Variants in PON3 observed in about 807,000 individuals in gnomAD.
PON3 encodes the protein serum paraoxonase/lactonase 3.
A neutral mutation model predicts 36.3 loss-of-function variants in PON3; 37 were observed. That is an observed-to-expected ratio of 1.02 (90% CI 0.78 to 1.34). The LOEUF (loss-of-function observed/expected upper bound fraction) is 1.34, where lower values mean the gene tolerates loss of function less well. Ranked by LOEUF, PON3 falls within the 40% of genes most tolerant of loss-of-function variation. The probability of loss-of-function intolerance (pLI) is 0.00; values close to 1 mark genes in which losing one functional copy is unlikely to be tolerated. For missense variants in PON3, 415 were observed against 426.5 expected (o/e 0.97, Z 0.24); for synonymous variants, 155 against 154.8 (o/e 1.00, Z -0.01).
At chr7:95,380,893 A>G (rs1039231840) in intron 3 of PON3, among the ~76,000 whole-genome samples, 5 of 152,232 alleles carry the variant, frequency 3.3e-5, no homozygotes, top group African/African-American at 4.8e-5. Context: ...TCCAAGACAC[A>G]TAATTGTCAG....
intron 3 of PON3, among the ~76,000 whole-genome samples, chr7:95,382,093 T>C (rs1475132271): frequency 6.6e-6 from 1 of 152,212 alleles, no homozygotes; most frequent in Non-Finnish European, 1.5e-5. Context: ...AACCTGCTCC[T>C]GAATGACTAC....
chr7:95,392,872 C>T (rs917682599), intron 2 of PON3, among the ~76,000 whole-genome samples: 2 of 152,222 alleles, frequency 1.3e-5, no homozygotes, highest in African/African-American at 4.8e-5. Flanking sequence ...TGCAACCATT[C>T]CTTCTGAGGT....
intron 8 of PON3, among the ~76,000 whole-genome samples, chr7:95,360,380 A>T (rs1808540624): frequency 6.6e-6 from 1 of 152,184 alleles, no homozygotes; most frequent in African/African-American, 2.4e-5. Context: ...TAGTGCAGGC[A>T]TCCCTTACAG....
At chr7:95,366,555 C>T (rs999751868) in intron 5 of PON3, among the ~76,000 whole-genome samples, 1 of 152,110 alleles carries the variant, frequency 6.6e-6, no homozygotes, top group African/African-American at 2.4e-5. Flanking sequence ...GTTTTGGAGC[C>T]AGTTTTTTAA....
intron 4 of PON3, among the ~76,000 whole-genome samples, chr7:95,369,206 T>C (rs1199357136): frequency 2.6e-5 from 4 of 152,174 alleles, no homozygotes; most frequent in African/African-American, 9.6e-5. Context: ...TGATATGTGT[T>C]CATAGAGTAC....
At chr7:95,382,053 C>A (rs1809068085) in intron 3 of PON3, among the ~76,000 whole-genome samples, 1 of 152,200 alleles carries the variant, frequency 6.6e-6, no homozygotes, top group African/African-American at 2.4e-5. Flanking sequence ...GAAACTCACT[C>A]AAAACCACTG....
At chr7:95,379,197 A>T (rs1808987289) in intron 3 of PON3, among the ~76,000 whole-genome samples, 1 of 152,242 alleles carries the variant, frequency 6.6e-6, no homozygotes. Context: ...ATTCAACAAG[A>T]GTTAACTATC....
chr7:95,372,502 G>T (rs573238880), intron 3 of PON3, among the ~76,000 whole-genome samples, 164 bp from the exon 4 acceptor site: 1 of 152,112 alleles, frequency 6.6e-6, no homozygotes, highest in African/African-American at 2.4e-5. Flanking sequence ...TCTGATCTGG[G>T]GTGTTACTGA....
At chr7:95,378,652 C>G (rs985791677) in intron 3 of PON3, among the ~76,000 whole-genome samples, 1 of 152,158 alleles carries the variant, frequency 6.6e-6, no homozygotes. Flanking sequence ...TCCAGCCAAA[C>G]TAAGCTTCAT....
intron 3 of PON3, among the ~76,000 whole-genome samples, chr7:95,374,110 G>A (rs972231592): frequency 2.0e-5 from 3 of 152,150 alleles, no homozygotes; most frequent in Non-Finnish European, 2.9e-5. Flanking sequence ...TCCATGATCT[G>A]TGGAAAAAAT....
chr7:95,373,095 C>A (rs1245940480), intron 3 of PON3, among the ~76,000 whole-genome samples: 6 of 152,158 alleles, frequency 3.9e-5, no homozygotes, highest in Non-Finnish European at 8.8e-5. Flanking sequence ...TTATTCTACA[C>A]CAGTTACAAA....
intron 4 of PON3, 146 bp from the exon 5 acceptor site, chr7:95,367,634 C>A: frequency 1.2e-6 from 1 of 825,852 alleles, no homozygotes; most frequent in Non-Finnish European, 1.9e-6. Context: ...GTAAGTCAGA[C>A]AAATGCCAGA....
chr7:95,360,152 A>G, intron 8 of PON3, 21 bp from the exon 9 acceptor site: 2 of 1,603,314 alleles, frequency 1.2e-6, no homozygotes, highest in Non-Finnish European at 8.5e-7. Context: ...AAGATCGTTT[A>G]TTAGTATATT....
chr7:95,386,835 A>G (rs914413238), intron 3 of PON3, among the ~76,000 whole-genome samples: 1 of 152,144 alleles, frequency 6.6e-6, no homozygotes, highest in East Asian at 1.9e-4. Context: ...TTCAACATAC[A>G]CAAATCAATA....
chr7:95,383,841 T>A (rs945140374), intron 3 of PON3, among the ~76,000 whole-genome samples: 1 of 152,138 alleles, frequency 6.6e-6, no homozygotes, highest in Non-Finnish European at 1.5e-5. Flanking sequence ...TTCACAGAAT[T>A]GGAAAAAACT....
At position 95,380,884 on chromosome 7, in the gene PON3, C is replaced by T. The variant is rs561757684; in HGVS notation, c.202-8546G>A. Among the ~76,000 whole-genome samples the T allele has an allele frequency of 1.5e-3, 228 of 152,202 alleles. 1 individual carries two copies. Among genetic ancestry groups the T allele is most frequent in the Middle Eastern group, 6.8e-3 (2 of 294 alleles). Reference sequence around the variant, plus strand: ...AAGATATTCCTCGAGAACAGCAACTCCAAGACACATAATTGTCAGATTCAC... The same window carrying T: ...AAGATATTCCTCGAGAACAGCAACTTCAAGACACATAATTGTCAGATTCAC... On this transcript the variant is annotated intron_variant, in intron 3 of 8. Transcript: ENST00000265627.
chr7:95,366,033 AGTGGGGTGGGGAGGGCAGGG>A (rs1808684098), intron 5 of PON3: 2 of 104,366 alleles, frequency 1.9e-5, no homozygotes, highest in Non-Finnish European at 4.0e-5. Context: ...TGGCAGGGGG[AGTGGGGTGGGGAGGGCAGGG>A]GGACACAAAA....
At chr7:95,385,104 C>G (rs1188924055) in intron 3 of PON3, among the ~76,000 whole-genome samples, 1 of 151,808 alleles carries the variant, frequency 6.6e-6, no homozygotes. Flanking sequence ...ATCGCAAGGA[C>G]AAAAAACCAA....
chr7:95,396,189 G>T (rs1343481921), intron 1 of PON3, 88 bp downstream of exon 1: 3 of 1,432,772 alleles, frequency 2.1e-6, no homozygotes, highest in African/African-American at 1.4e-5. Context: ...TTTCCTACCC[G>T]CTAGGAAGGG....
Sources: gnomAD v4.1 joint callset for allele counts (sites outside exome capture counted in the v4.1 genomes callset) on GRCh38, gnomAD v4.1.1 for gene constraint, MANE v1.5 for transcripts, NCBI Gene and HGNC (gene_info 2026-07-23, HGNC 2026-07-21) for gene names.